The following KANK1 variants were observed in gnomAD, a reference collection of about 807,000 sequenced individuals.
KANK1 encodes KN motif and ankyrin repeat domains 1, also known as KN motif and ankyrin repeat domain-containing protein 1.
In KANK1, 109 loss-of-function variants were observed where a neutral mutation model predicts 106.2. That is an observed-to-expected ratio of 1.03 (90% CI 0.88 to 1.20). The LOEUF is 1.20. KANK1 is among the 50% of genes most tolerant of loss of function. The probability of loss-of-function intolerance (pLI) is 0.00; values close to 1 mark genes in which losing one functional copy is unlikely to be tolerated. For missense variants in KANK1, 2,399 were observed against 1,710.7 expected (o/e 1.40, Z -7.10); for synonymous variants, 873 against 652.2 (o/e 1.34, Z -5.16).
At chr9:530,828 A>C (rs1388301906) in intron 1 of KANK1, among the ~76,000 whole-genome samples, 1 of 152,114 alleles carries the variant, frequency 6.6e-6, no homozygotes, top group African/African-American at 2.4e-5. Flanking sequence ...GTCTCTATGA[A>C]AAATACAAAA....
At chr9:595,277 T>G (rs1825931824) in intron 1 of KANK1, among the ~76,000 whole-genome samples, 5 of 151,676 alleles carry the variant, frequency 3.3e-5, no homozygotes. Flanking sequence ...TTGGTACCTG[T>G]TGAGAGAAGG....
chr9:521,194 G>A (rs2059532705), intron 1 of KANK1, among the ~76,000 whole-genome samples: 1 of 151,722 alleles, frequency 6.6e-6, no homozygotes, highest in South Asian at 2.1e-4. Context: ...GGAACAGAAC[G>A]TTTGTGCCTC....
chr9:564,792 CA>C (rs1436783514), intron 1 of KANK1, among the ~76,000 whole-genome samples: 8 of 152,204 alleles, frequency 5.3e-5, no homozygotes, highest in African/African-American at 1.9e-4. Flanking sequence ...TGAGAGTCAG[CA>C]TCTAATTGAC....
chr9:724,050 G>C (rs1424743748), intron 3 of KANK1, among the ~76,000 whole-genome samples: 3 of 151,932 alleles, frequency 2.0e-5, no homozygotes, highest in Non-Finnish European at 2.9e-5. Context: ...GCGGTGAGCA[G>C]AGATCACGCC....
chr9:743,426 C>A (rs369719985), intron 10 of KANK1, among the ~76,000 whole-genome samples: 15 of 152,206 alleles, frequency 9.9e-5, no homozygotes, highest in African/African-American at 1.4e-4. Flanking sequence ...CTTCTTTCTT[C>A]CAGAAGAGTT....
At chr9:533,692 C>G (rs2060167095) in intron 1 of KANK1, among the ~76,000 whole-genome samples, 1 of 152,160 alleles carries the variant, frequency 6.6e-6, no homozygotes, top group South Asian at 2.1e-4. Context: ...GAGGCCCAGT[C>G]TGTCAAAACT....
In KANK1 at chr9:711,802, T is replaced by C. The variant is rs758477932; in HGVS notation, c.1036T>C (p.Tyr346His). 11 of 1,613,966 alleles carry C rather than the reference T, an allele frequency of 6.8e-6. No homozygotes were observed. The highest frequency in any genetic ancestry group is 5.5e-5 in the South Asian group (5 of 91,082). ...SRARRSGGEL[Y>H]IDYEEEEMET... ...GGCCCGAAGAAGTGGCGGGGAATTA[T>C]ACATTGACTATGAGGAGGAAGAAAT... Residue 346 changes from tyrosine (Y) to histidine (H), a missense_variant, in exon 3 of 12, where the codon TAC becomes CAC. Coordinates refer to ENST00000382297, the MANE Select transcript of KANK1 (RefSeq NM_015158.5).
At chr9:485,720 A>G (rs564478988) in intron 3 of KANK1, among the ~76,000 whole-genome samples, 1 of 152,158 alleles carries the variant, frequency 6.6e-6, no homozygotes, top group South Asian at 2.1e-4. Context: ...TAAAAATACA[A>G]ATTAGCTGGA....
intron 1 of KANK1, among the ~76,000 whole-genome samples, chr9:627,536 G>A (rs1340046178): frequency 6.6e-6 from 1 of 152,180 alleles, no homozygotes; most frequent in African/African-American, 2.4e-5. Flanking sequence ...CTTTGATGGT[G>A]TTGAGGGTGT....
intron 3 of KANK1, among the ~76,000 whole-genome samples, chr9:476,002 GCCA>G (rs2058096543): frequency 6.6e-6 from 1 of 151,888 alleles, no homozygotes; most frequent in South Asian, 2.1e-4. Flanking sequence ...ACAGGTGCCT[GCCA>G]CCACACCCGG....
At chr9:550,974 TCA>T (rs1386615112) in intron 1 of KANK1, among the ~76,000 whole-genome samples, 1 of 151,904 alleles carries the variant, frequency 6.6e-6, no homozygotes, top group East Asian at 1.9e-4. Context: ...TCTTTGTGCC[TCA>T]CATCTTGAGA....
chr9:742,216 G>A lies in KANK1; in HGVS notation c.3708G>A (p.Thr1236=), dbSNP rs536447962. Residue 1236 remains threonine (T), a synonymous_variant, in exon 10 of 12, where the codon ACG becomes ACA. Coordinates refer to ENST00000382297, the MANE Select transcript of KANK1 (RefSeq NM_015158.5). The stretch of plus-strand genomic sequence containing the variant: ...ATCTCTTCCCATAGGCGGGACAGAC[G>A]GCCCTCATGCTGGCGGTCAGTCACG... ...VNAKASQAGQ[T]ALMLAVSHGR... 42 of 1,614,034 alleles carry A rather than the reference G, an allele frequency of 2.6e-5. No individual in the cohort carries two copies. The highest frequency in any genetic ancestry group is 6.7e-5 in the African/African-American group (5 of 75,050).
chr9:471,649 TC>T (rs1250561321), intron 2 of KANK1: 2 of 152,172 alleles, frequency 1.3e-5, no homozygotes, highest in Admixed American at 6.5e-5. Context: ...ACCCCTGCAA[TC>T]CCAGGGTTCT....
At chr9:534,318 T>A (rs562071017) in intron 1 of KANK1, among the ~76,000 whole-genome samples, 1 of 152,328 alleles carries the variant, frequency 6.6e-6, no homozygotes, top group African/African-American at 2.4e-5. Context: ...AAAGTATTAT[T>A]GTGCTCGGTT....
At chr9:531,868 T>G (rs1032335959) in intron 1 of KANK1, among the ~76,000 whole-genome samples, 2 of 152,214 alleles carry the variant, frequency 1.3e-5, no homozygotes, top group East Asian at 1.9e-4. Context: ...TGTGTGTGTG[T>G]GGGCCAGATT....
chr9:706,207 C>T (rs903624891), intron 2 of KANK1, among the ~76,000 whole-genome samples: 17 of 152,128 alleles, frequency 1.1e-4, no homozygotes, highest in African/African-American at 3.4e-4. Context: ...CTTTGGGTAG[C>T]CTGGTTTGAG....
chr9:482,359 G>T (rs2058220159), intron 3 of KANK1, among the ~76,000 whole-genome samples: 1 of 152,176 alleles, frequency 6.6e-6, no homozygotes, highest in South Asian at 2.1e-4. Flanking sequence ...TTATTATGTG[G>T]TGTACACCTT....
chr9:666,608 G>A (rs146509640), intron 1 of KANK1, among the ~76,000 whole-genome samples: 3 of 151,852 alleles, frequency 2.0e-5, no homozygotes, highest in Non-Finnish European at 4.4e-5. Context: ...TTATTTTGAG[G>A]TATGTTTCCT....
intron 7 of KANK1, among the ~76,000 whole-genome samples, chr9:738,076 A>G (rs1430238977): frequency 3.9e-5 from 6 of 152,026 alleles, no homozygotes; most frequent in East Asian, 1.9e-4. Flanking sequence ...GGTCTCCTTT[A>G]TAGACATTAG....
Sources: gnomAD v4.1 joint callset for allele counts (sites outside exome capture counted in the v4.1 genomes callset) on GRCh38, gnomAD v4.1.1 for gene constraint, MANE v1.5 for transcripts, NCBI Gene and HGNC (gene_info 2026-07-23, HGNC 2026-07-21) for gene names.